Variants in RAD51B observed in about 807,000 individuals in gnomAD.
The protein encoded by RAD51B is RAD51 paralog B, also known as DNA repair protein RAD51 homolog 2.
RAD51B carries 38 observed loss-of-function variants against 42.2 expected under a neutral mutation model. That is an observed-to-expected ratio of 0.90 (90% CI 0.70 to 1.18). RAD51B has a LOEUF of 1.18. Among genes scored for constraint, RAD51B ranks in the 50% most tolerant of loss-of-function variants. The pLI is 0.00. For synonymous variants in RAD51B, 154 were observed against 145.2 expected (o/e 1.06, Z -0.43); for missense variants, 373 against 400.7 (o/e 0.93, Z 0.59).
chr14:67,926,154 A>G (rs2044499559), intron 7 of RAD51B, among the ~76,000 whole-genome samples: 1 of 152,240 alleles, frequency 6.6e-6, no homozygotes, highest in African/African-American at 2.4e-5. Context: ...ATTTCTCCTC[A>G]GAAAATGGAT....
chr14:67,859,024 A>G (rs1201742587), intron 4 of RAD51B, among the ~76,000 whole-genome samples: 3 of 152,246 alleles, frequency 2.0e-5, no homozygotes, highest in Non-Finnish European at 4.4e-5. Context: ...GGAAGAAAAT[A>G]TTAAAACTTT....
intron 2 of RAD51B, among the ~76,000 whole-genome samples, chr14:67,823,895 C>G (rs951318810): frequency 1.3e-5 from 2 of 152,166 alleles, no homozygotes; most frequent in African/African-American, 4.8e-5. Flanking sequence ...TTTATAGTTA[C>G]ATGAGAAATA....
At chr14:68,309,899 G>A (rs1244907448) in intron 8 of RAD51B, among the ~76,000 whole-genome samples, 1 of 152,118 alleles carries the variant, frequency 6.6e-6, no homozygotes, top group African/African-American at 2.4e-5. Context: ...TGACACTCAG[G>A]AAATTTCAGT....
intron 10 of RAD51B, among the ~76,000 whole-genome samples, chr14:68,616,900 C>G (rs1000044186): frequency 2.0e-5 from 3 of 151,682 alleles, no homozygotes; most frequent in Admixed American, 6.6e-5. Flanking sequence ...AGCCACTGAC[C>G]TTTCATTTCA....
At chr14:67,839,886 C>T (rs187723486) in intron 4 of RAD51B, among the ~76,000 whole-genome samples, 1 of 152,122 alleles carries the variant, frequency 6.6e-6, no homozygotes, top group African/African-American at 2.4e-5. Context: ...AGTATTTAAA[C>T]ATTCCCATCA....
chr14:67,831,802 C>T (rs1163442249), intron 3 of RAD51B, among the ~76,000 whole-genome samples: 1 of 152,144 alleles, frequency 6.6e-6, no homozygotes, highest in African/African-American at 2.4e-5. Context: ...CCTCGGCCTC[C>T]CAAAATGCTG....
chr14:67,840,129 T>G (rs1271254923), intron 4 of RAD51B, among the ~76,000 whole-genome samples: 5 of 152,194 alleles, frequency 3.3e-5, no homozygotes, highest in Admixed American at 3.3e-4. Context: ...AATAATTGGG[T>G]GCCCTATTTT....
Position 67,995,636 on chromosome 14 carries a change from C to T in RAD51B, c.756+108432C>T, listed in dbSNP as rs1040140887. Among the ~76,000 whole-genome samples the T allele has an allele frequency of 8.2e-4, 121 of 146,966 alleles. 1 individual carries two copies. Among genetic ancestry groups the T allele is most frequent in the Middle Eastern group, 6.9e-3 (2 of 288 alleles). ...CTTTTTTTTTTTTTTTCTTTTGAGACGGAGTCTCTCTCTGTCACCCAGGCT... is the reference window on the plus strand; with the variant it reads ...CTTTTTTTTTTTTTTTCTTTTGAGATGGAGTCTCTCTCTGTCACCCAGGCT... On this transcript the variant is annotated intron_variant, in intron 7 of 10. Transcript: ENST00000471583.
chr14:68,062,814 CAAAAAAAAAAA>C (rs962527138), intron 7 of RAD51B, among the ~76,000 whole-genome samples: 1 of 39,798 alleles, frequency 2.5e-5, no homozygotes, highest in East Asian at 7.9e-4. Context: ...GACTCTGTGA[CAAAAAAAAAAA>C]AAAAAAGAAA....
chr14:68,090,766 A>T (rs1046443310), intron 7 of RAD51B, among the ~76,000 whole-genome samples: 1 of 151,512 alleles, frequency 6.6e-6, no homozygotes, highest in African/African-American at 2.4e-5. Flanking sequence ...TTTGTTACAT[A>T]TGTATACATG....
intron 9 of RAD51B, among the ~76,000 whole-genome samples, chr14:68,441,541 C>CAAAAAAAAAAAAAAAAAAAAA (rs67477807): frequency 1.5e-5 from 1 of 68,034 alleles, no homozygotes; most frequent in Non-Finnish European, 2.6e-5. Flanking sequence ...GACTCCATCT[C>CAAAAAAAAAAAAAAAAAAAAA]AAAAAAAAAA....
chr14:68,087,455 G>A (rs2077002010), intron 7 of RAD51B, among the ~76,000 whole-genome samples: 1 of 152,106 alleles, frequency 6.6e-6, no homozygotes, highest in African/African-American at 2.4e-5. Flanking sequence ...TGGTCTATAT[G>A]ATGGATTACT....
intron 7 of RAD51B, among the ~76,000 whole-genome samples, chr14:68,220,593 A>G (rs576216556): frequency 6.6e-6 from 1 of 152,304 alleles, no homozygotes. Context: ...TCTATTCAAC[A>G]TAGTACTGGA....
chr14:68,442,441 T>A (rs2085321711), intron 9 of RAD51B, among the ~76,000 whole-genome samples: 1 of 140,218 alleles, frequency 7.1e-6, no homozygotes, highest in African/African-American at 2.7e-5. Context: ...TGTGCTTTTT[T>A]TTTTTTTTTT....
At chr14:68,181,757 G>A (rs559058409) in intron 7 of RAD51B, among the ~76,000 whole-genome samples, 13 of 152,286 alleles carry the variant, frequency 8.5e-5, no homozygotes, top group African/African-American at 3.1e-4. Context: ...TGGAGAGGGT[G>A]CCTCCAAAGG....
downstream of RAD51B, among the ~76,000 whole-genome samples, chr14:68,482,104 ATTAATTACTTTTAC>A (rs529876326): frequency 8.0e-5 from 12 of 150,120 alleles, no homozygotes; most frequent in South Asian, 2.6e-3. Context: ...ATTTTGTATC[ATTAATTACTTTTAC>A]TGAAAGTAAT....
intron 8 of RAD51B, among the ~76,000 whole-genome samples, chr14:68,386,829 G>T (rs530199760): frequency 6.6e-6 from 1 of 152,254 alleles, no homozygotes; most frequent in East Asian, 1.9e-4. Context: ...CAACTTGATG[G>T]TATACCACCT....
At chr14:68,591,764 G>C (rs1318717639) in intron 10 of RAD51B, among the ~76,000 whole-genome samples, 1 of 152,166 alleles carries the variant, frequency 6.6e-6, no homozygotes, top group Non-Finnish European at 1.5e-5. Flanking sequence ...GTGGTGCTCT[G>C]GCAGGCCTGG....
chr14:68,489,693 G>T (rs975092062), intron 10 of RAD51B, among the ~76,000 whole-genome samples: 1 of 152,172 alleles, frequency 6.6e-6, no homozygotes, highest in Admixed American at 6.5e-5. Context: ...GCCTTTCCCA[G>T]TGCAGGGCTG....
Sources: allele counts gnomAD v4.1 joint callset (sites outside exome capture counted in the v4.1 genomes callset), GRCh38; gene constraint gnomAD v4.1.1; transcripts MANE v1.5; gene names NCBI Gene and HGNC (gene_info 2026-07-23, HGNC 2026-07-21).